The following RALGPS1 variants were observed in gnomAD, a reference collection of about 807,000 sequenced individuals.
RALGPS1 encodes Ral GEF with PH domain and SH3 binding motif 1.
A neutral mutation model predicts 78.8 loss-of-function variants in RALGPS1; 19 were observed. The observed-to-expected ratio is 0.24, with a 90% confidence interval of 0.17 to 0.35. The LOEUF (loss-of-function observed/expected upper bound fraction) is 0.35, where lower values mean the gene tolerates loss of function less well. Among genes scored for constraint, RALGPS1 ranks in the 10% least tolerant of loss-of-function variants. The probability of loss-of-function intolerance (pLI) is 1.00; values close to 1 mark genes in which losing one functional copy is unlikely to be tolerated. For synonymous variants in RALGPS1, 228 were observed against 256.3 expected (o/e 0.89, Z 1.06); for missense variants, 454 against 688.3 (o/e 0.66, Z 3.81).
In RALGPS1 at chr9:127,174,740, A is replaced by G; in HGVS notation, c.868A>G (p.Ser290Gly). The G allele has an allele frequency of 6.2e-7, 1 of 1,614,192 alleles. No individual in the cohort carries two copies. The highest frequency in any genetic ancestry group is 8.5e-7 in the Non-Finnish European group (1 of 1,180,020). Reference protein sequence around the residue: ...YKLSLRIEPGSSSPRLVSSKE... With the variant: ...YKLSLRIEPGGSSPRLVSSKE... ...ACTGTCGCTCAGAATCGAACCAGGA[A>G]GCAGCTCTCCAAGACTAGTCTCTTC... is the stretch of plus-strand genomic sequence containing the variant. Residue 290 changes from serine (S) to glycine (G), a missense_variant, in exon 11 of 19, where the codon AGC becomes GGC. Coordinates refer to ENST00000259351, the MANE Select transcript of RALGPS1 (RefSeq NM_014636.3).
At chr9:127,008,447 G>C (rs2044055004) in intron 4 of RALGPS1, among the ~76,000 whole-genome samples, 1 of 151,854 alleles carries the variant, frequency 6.6e-6, no homozygotes, top group Non-Finnish European at 1.5e-5. Flanking sequence ...ACTGGCTGAA[G>C]TGTCTTTGGG....
At chr9:127,069,404 C>A in intron 8 of RALGPS1, 48 bp downstream of exon 8, 1 of 1,593,054 alleles carries the variant, frequency 6.3e-7, no homozygotes, top group Non-Finnish European at 8.6e-7. Flanking sequence ...CTACTCGGTG[C>A]CAAATAAGAT....
intron 8 of RALGPS1, among the ~76,000 whole-genome samples, chr9:127,159,162 C>G (rs890060290): frequency 6.6e-6 from 1 of 152,192 alleles, no homozygotes; most frequent in Non-Finnish European, 1.5e-5. Flanking sequence ...TGCATGGCCT[C>G]TCCTCATGCC....
In RALGPS1 at chr9:127,221,266, C is replaced by T. The variant is rs1339614738; in HGVS notation, c.*2497C>T. On this transcript the variant is annotated 3_prime_UTR_variant, in exon 19 of 19. Transcript: ENST00000259351. Reference sequence around the variant, plus strand: ...GGGAAAGTCCATGGGTAGACCCTCCCCCTGGAGGGAAGCATTTCTAGTTTT... The same window carrying T: ...GGGAAAGTCCATGGGTAGACCCTCCTCCTGGAGGGAAGCATTTCTAGTTTT... 6.6e-6 allele frequency: 1 copy of T among 152,226 alleles called. No homozygotes were observed. The highest frequency in any genetic ancestry group is 1.9e-4 in the East Asian group (1 of 5,196). 9.4% of individuals were successfully genotyped at this position (152,226 alleles called of 1,614,324 possible).
At chr9:127,192,901 C>T (rs558983957) in intron 11 of RALGPS1, among the ~76,000 whole-genome samples, 54 of 152,216 alleles carry the variant, frequency 3.5e-4, no homozygotes, top group African/African-American at 1.3e-3. Flanking sequence ...GGAGTGACCC[C>T]GAGCACCAGG....
chr9:127,218,449 C>A lies in RALGPS1; in HGVS notation c.1645-291C>A, dbSNP rs1326568704. 6.6e-6 allele frequency among the ~76,000 whole-genome samples: 1 copy of A among 152,200 alleles called. No homozygotes were observed. Among genetic ancestry groups the A allele is most frequent in the Non-Finnish European group, 1.5e-5 (1 of 68,028 alleles). ...TGCTGCTTACTTGCTGTGTACTGAA[C>A]CTCCCTAAGCCTCAGTTTCCTGTCT... On this transcript the variant is annotated intron_variant, in intron 18 of 18. Coordinates refer to ENST00000259351, the MANE Select transcript of RALGPS1 (RefSeq NM_014636.3). This position sits in a 1 kb window ranked among gnomAD's most constrained non-coding sequence, Gnocchi z 4.4.
rs180907441 is a variant in RALGPS1 at position 127,029,367 on chromosome 9, G to T, written c.217-5064G>T. 1.6e-4 allele frequency among the ~76,000 whole-genome samples: 24 copies of T among 152,280 alleles called. No homozygotes were observed. In the East Asian group the frequency reaches 4.4e-3, roughly 28 times the overall value. On this transcript the variant is annotated intron_variant, in intron 4 of 18. Coordinates refer to ENST00000259351, the MANE Select transcript of RALGPS1 (RefSeq NM_014636.3). ...GGTGTTTCAGAACTCCTTTGGTTAG[G>T]TGTGTAATTGTCCCACCAGTTCTTC...
At chr9:126,918,408 C>G (rs2034398958) in intron 1 of RALGPS1, among the ~76,000 whole-genome samples, 1 of 152,184 alleles carries the variant, frequency 6.6e-6, no homozygotes, top group Non-Finnish European at 1.5e-5. Flanking sequence ...ACAGTCACGG[C>G]TCACTGCAGC....
intron 4 of RALGPS1, among the ~76,000 whole-genome samples, chr9:127,003,959 C>A (rs577121087): frequency 6.6e-6 from 1 of 152,290 alleles, no homozygotes; most frequent in African/African-American, 2.4e-5. Context: ...CACATTTATC[C>A]TCTTTCTGGC....
chr9:127,165,973 C>A, intron 8 of RALGPS1, 96 bp from the exon 9 acceptor site: 1 of 1,430,940 alleles, frequency 7.0e-7, no homozygotes, highest in Non-Finnish European at 9.1e-7. Flanking sequence ...CATAAGTCAC[C>A]CTTTATATTT....
chr9:126,917,130 G>T (rs576343061), intron 1 of RALGPS1, among the ~76,000 whole-genome samples: 21 of 152,206 alleles, frequency 1.4e-4, no homozygotes, highest in African/African-American at 3.6e-4. Flanking sequence ...ACTAGTTGGT[G>T]CAGTGGTGAC....
At chr9:127,116,978 C>T (rs906363830) in intron 8 of RALGPS1, among the ~76,000 whole-genome samples, 1 of 152,058 alleles carries the variant, frequency 6.6e-6, no homozygotes, top group Non-Finnish European at 1.5e-5. Context: ...CCTTTGGGTG[C>T]TCTCTCCCCT....
intron 10 of RALGPS1, among the ~76,000 whole-genome samples, chr9:127,171,002 T>C (rs1050460186): frequency 1.3e-5 from 2 of 152,226 alleles, no homozygotes; most frequent in Admixed American, 6.5e-5. Flanking sequence ...GGAGGCTGGC[T>C]CCTCACCCAC....
chr9:126,974,255 C>T (rs2132540337), intron 3 of RALGPS1, among the ~76,000 whole-genome samples: 1 of 152,306 alleles, frequency 6.6e-6, no homozygotes, highest in Admixed American at 6.5e-5. Flanking sequence ...AGGAACAGAA[C>T]AGTTCCTAGG....
intron 8 of RALGPS1, among the ~76,000 whole-genome samples, chr9:127,082,299 G>A (rs1435975044): frequency 6.6e-6 from 1 of 152,214 alleles, no homozygotes; most frequent in Non-Finnish European, 1.5e-5. Flanking sequence ...GCTGCAGCCT[G>A]GCAAAGGATT....
intron 11 of RALGPS1, among the ~76,000 whole-genome samples, chr9:127,193,422 T>A (rs2061184555): frequency 1.3e-5 from 2 of 151,238 alleles, no homozygotes; most frequent in South Asian, 4.2e-4. Flanking sequence ...TGGGGGCGGA[T>A]GAAGGAGAAG....
intron 2 of RALGPS1, among the ~76,000 whole-genome samples, chr9:126,963,185 T>C (rs2039077231): frequency 6.6e-6 from 1 of 152,194 alleles, no homozygotes; most frequent in South Asian, 2.1e-4. Context: ...CGTCCCCTTG[T>C]ATGATTGTGT....
rs2062705892 is a variant in RALGPS1 at position 127,219,052 on chromosome 9, G to C, written c.*283G>C. The C allele has an allele frequency of 3.9e-6, 2 of 511,400 alleles. No individual in the cohort carries two copies. Among genetic ancestry groups the C allele is most frequent in the African/African-American group, 3.9e-5 (2 of 51,742 alleles). The allele number at this position is 511,400 out of a possible 1,614,324, so 31.7% of individuals were successfully genotyped here. ...CTCTGGGCCCACCACCTGCATCTGC[G>C]ACTAGAGAGCACCCGGCCCACGTTG... On this transcript the variant is annotated 3_prime_UTR_variant, in exon 19 of 19. Transcript: ENST00000259351. This position sits in a 1 kb window ranked among gnomAD's most constrained non-coding sequence, Gnocchi z 5.0.
chr9:127,141,018 C>A (rs2057737874), intron 8 of RALGPS1, among the ~76,000 whole-genome samples: 1 of 152,142 alleles, frequency 6.6e-6, no homozygotes, highest in South Asian at 2.1e-4. Flanking sequence ...TGGGAAAGAC[C>A]AGGCACCAAA....
Sources: allele counts gnomAD v4.1 joint callset (sites outside exome capture counted in the v4.1 genomes callset), GRCh38; gene constraint gnomAD v4.1.1; non-coding constraint Gnocchi (gnomAD v3.1); transcripts MANE v1.5; gene names NCBI Gene and HGNC (gene_info 2026-07-23, HGNC 2026-07-21).